DLG2: variants seen among roughly 807,000 people sequenced by gnomAD.
The protein encoded by DLG2 is discs large MAGUK scaffold protein 2.
DLG2 carries 45 observed loss-of-function variants against 132.5 expected under a neutral mutation model. The observed-to-expected ratio is 0.34, with a 90% CI of 0.27 to 0.44. The LOEUF (loss-of-function observed/expected upper bound fraction) is 0.44. DLG2 is among the 20% of genes least tolerant of loss of function. The pLI, the probability that DLG2 is intolerant of heterozygous loss-of-function variation, is 1.00. For synonymous variants in DLG2, 424 were observed against 419.6 expected (o/e 1.01, Z -0.13); for missense variants, 1,045 against 1,196.9 (o/e 0.87, Z 1.87).
chr11:83,590,285 A>G (rs1428719673), intron 19 of DLG2, among the ~76,000 whole-genome samples: 3 of 152,184 alleles, frequency 2.0e-5, no homozygotes, highest in Admixed American at 1.3e-4. Flanking sequence ...ATTATAACAA[A>G]CAGTCTCTCA....
chr11:84,446,085 T>C (rs908946017), intron 7 of DLG2, among the ~76,000 whole-genome samples: 2 of 152,182 alleles, frequency 1.3e-5, no homozygotes, highest in East Asian at 3.9e-4. Flanking sequence ...TCCTCCTCTG[T>C]GCTGCTTTCA....
chr11:84,740,157 G>A (rs1212825218), intron 6 of DLG2, among the ~76,000 whole-genome samples: 1 of 151,902 alleles, frequency 6.6e-6, no homozygotes, highest in African/African-American at 2.4e-5. Context: ...TTTTACTGGA[G>A]TGCCAAAGGG....
At position 84,477,804 on chromosome 11, in the gene DLG2, A is replaced by C. The variant is rs1567736011; in HGVS notation, c.519+56766T>G. On this transcript the variant is annotated intron_variant, in intron 7 of 27. Coordinates refer to ENST00000376104, the MANE Select transcript of DLG2 (RefSeq NM_001142699.3). ...ATACGAGAATCAGAGGATAGATGAG[A>C]GTATGTGCTGAAGTTAAACAAGTTT... Among the ~76,000 whole-genome samples, 6 of 152,310 alleles carry C rather than the reference A, an allele frequency of 3.9e-5. No individual in the cohort carries two copies. The South Asian group carries it at 1.2e-3, about 32-fold the overall frequency.
intron 8 of DLG2, among the ~76,000 whole-genome samples, chr11:84,232,254 C>T (rs531361022): frequency 7.9e-5 from 12 of 152,020 alleles, no homozygotes; most frequent in East Asian, 1.9e-4. Context: ...TTTTTCAGAG[C>T]GCTTACTATT....
chr11:83,489,852 G>T (rs1050303400), intron 21 of DLG2, among the ~76,000 whole-genome samples: 7 of 152,048 alleles, frequency 4.6e-5, no homozygotes, highest in Middle Eastern at 3.4e-3. Flanking sequence ...CATGGATGTT[G>T]TTGGGAACCA....
At chr11:85,302,688 A>G (rs991067629) in intron 3 of DLG2, among the ~76,000 whole-genome samples, 1 of 151,910 alleles carries the variant, frequency 6.6e-6, no homozygotes, top group Admixed American at 6.6e-5. Flanking sequence ...TGATAATTTC[A>G]GAGGAATAGA....
intron 19 of DLG2, among the ~76,000 whole-genome samples, chr11:83,588,622 G>T (rs547590144): frequency 6.6e-6 from 1 of 151,364 alleles, no homozygotes; most frequent in East Asian, 2.0e-4. Context: ...CACCAGCAAC[G>T]GAACAAAGCT....
chr11:85,474,636 C>G (rs565305229), intron 3 of DLG2, among the ~76,000 whole-genome samples: 29 of 151,822 alleles, frequency 1.9e-4, no homozygotes, highest in Non-Finnish European at 3.8e-4. Flanking sequence ...GCAACTGTAT[C>G]CAATAGACCT....
At chr11:83,602,312 C>T (rs1208847847) in intron 19 of DLG2, among the ~76,000 whole-genome samples, 1 of 152,218 alleles carries the variant, frequency 6.6e-6, no homozygotes, top group East Asian at 1.9e-4. Context: ...TTGCAAAATG[C>T]ATGTGCGTTC....
At chr11:84,474,548 A>G (rs2099116685) in intron 7 of DLG2, among the ~76,000 whole-genome samples, 1 of 151,948 alleles carries the variant, frequency 6.6e-6, no homozygotes, top group African/African-American at 2.4e-5. Context: ...TCCTATAGAC[A>G]ATATATTCTC....
Position 84,033,432 on chromosome 11 carries a change from G to A in DLG2, c.919+25883C>T, listed in dbSNP as rs2154094413. 1.3e-5 allele frequency among the ~76,000 whole-genome samples: 2 copies of A among 152,298 alleles called. 1 individual carries two copies. The highest frequency in any genetic ancestry group is 4.1e-4 in the South Asian group (2 of 4,828). The stretch of plus-strand genomic sequence containing the variant: ...TGGATCCTGAAGATATGACTGAATT[G>A]CTGCAATCTCGTAATAAAACTAACA... On this transcript the variant is annotated intron_variant, in intron 11 of 27. Transcript: ENST00000376104.
At chr11:84,204,851 G>A (rs1018426240) in intron 8 of DLG2, among the ~76,000 whole-genome samples, 28 of 152,018 alleles carry the variant, frequency 1.8e-4, no homozygotes, top group Admixed American at 1.2e-3. Flanking sequence ...ATAGGCTCCC[G>A]CCACCACACT....
intron 3 of DLG2, among the ~76,000 whole-genome samples, chr11:85,486,377 G>A (rs1314342896): frequency 6.6e-6 from 1 of 152,120 alleles, no homozygotes; most frequent in Non-Finnish European, 1.5e-5. Context: ...AAGCCCACAG[G>A]GAACATTCCA....
At chr11:84,772,417 A>G (rs971803581) in intron 6 of DLG2, among the ~76,000 whole-genome samples, 1 of 152,168 alleles carries the variant, frequency 6.6e-6, no homozygotes, top group Non-Finnish European at 1.5e-5. Context: ...TAAATTCTGG[A>G]CATAAATTTG....
At chr11:85,193,386 G>A (rs901199419) in intron 4 of DLG2, among the ~76,000 whole-genome samples, 1 of 152,144 alleles carries the variant, frequency 6.6e-6, no homozygotes, top group Non-Finnish European at 1.5e-5. Flanking sequence ...TCATATATAA[G>A]TTTTCATAGA....
chr11:84,268,441 T>G (rs1162078854), intron 7 of DLG2, among the ~76,000 whole-genome samples: 1 of 150,824 alleles, frequency 6.6e-6, no homozygotes, highest in Non-Finnish European at 1.5e-5. Flanking sequence ...TATGTGACTG[T>G]GGGAAAGGTA....
intron 6 of DLG2, among the ~76,000 whole-genome samples, chr11:84,591,061 T>A (rs554756522): frequency 2.0e-5 from 3 of 152,176 alleles, no homozygotes; most frequent in Non-Finnish European, 4.4e-5. Context: ...AAGGTCCTGC[T>A]CCAATGTTAT....
chr11:84,894,872 A>C (rs2089973265), intron 6 of DLG2, among the ~76,000 whole-genome samples: 1 of 147,838 alleles, frequency 6.8e-6, no homozygotes, highest in Admixed American at 6.7e-5. Context: ...TCACCACAGC[A>C]CACCTGCTGA....
At chr11:83,806,046 T>C (rs2045830351) in intron 17 of DLG2, among the ~76,000 whole-genome samples, 1 of 152,148 alleles carries the variant, frequency 6.6e-6, no homozygotes, top group African/African-American at 2.4e-5. Context: ...TGTTATTCCC[T>C]TGGGCCTAAC....
Sources: allele counts gnomAD v4.1 joint callset (sites outside exome capture counted in the v4.1 genomes callset), GRCh38; gene constraint gnomAD v4.1.1; transcripts MANE v1.5; gene names NCBI Gene and HGNC (gene_info 2026-07-23, HGNC 2026-07-21).